Variants in SLC16A3 observed in about 807,000 individuals in gnomAD.
The protein encoded by SLC16A3 is monocarboxylate transporter 4.
In SLC16A3, 22 loss-of-function variants were observed where a neutral mutation model predicts 25.0. The ratio of observed to expected loss-of-function variants is 0.88; its 90% CI spans 0.63 to 1.26. The LOEUF is 1.26. SLC16A3 is among the 50% of genes most tolerant of loss of function. The pLI is 0.00. For synonymous variants in SLC16A3, 390 were observed against 309.2 expected, an observed-to-expected ratio of 1.26 and a Z score of -2.74; for missense variants, 731 against 666.6, an observed-to-expected ratio of 1.10 and a Z score of -1.06.
chr17:82,236,654 G>T, intron 2 of SLC16A3, 75 bp from the exon 3 acceptor site: 1 of 1,559,994 alleles, frequency 6.4e-7, no homozygotes, highest in African/African-American at 1.3e-5. Context: ...GCCGGCTCCA[G>T]GCTGTGAGCT....
chr17:82,222,033 C>T (rs2050391683), intron 1 of SLC16A3, among the ~76,000 whole-genome samples: 1 of 152,126 alleles, frequency 6.6e-6, no homozygotes, highest in South Asian at 2.1e-4. Context: ...CGCCCTGGGA[C>T]CCCCAACTCC....
rs149068598 is a variant in SLC16A3 at position 82,236,713 on chromosome 17, C to T, written c.224-16C>T. 3 of 1,601,148 alleles carry T rather than the reference C, an allele frequency of 1.9e-6. No homozygotes were observed. The highest frequency in any genetic ancestry group is 2.2e-5 in the South Asian group (2 of 90,946). ...TGGCTGCAGGCCCGGCCCCTCTCAG[C>T]TGCTGCCCTCTCCAGGTCCGCTCTG... On this transcript the variant is annotated splice_polypyrimidine_tract_variant and intron_variant, in intron 2 of 4. Transcript: ENST00000582743.
At chr17:82,232,070 C>G (rs747628184) in intron 1 of SLC16A3, 5 of 152,332 alleles carry the variant, frequency 3.3e-5, no homozygotes, top group Non-Finnish European at 7.3e-5. Flanking sequence ...AGCGCCCTCC[C>G]GCCCTCGGCA....
At chr17:82,237,972 A>G (rs1193603441) in intron 4 of SLC16A3, 79 bp downstream of exon 4, 2 of 1,477,098 alleles carry the variant, frequency 1.4e-6, no homozygotes, top group Non-Finnish European at 1.8e-6. Flanking sequence ...GGGGACGCGC[A>G]CCCCTCGGCA....
Position 82,239,928 on chromosome 17 carries a change from AGCAGTGGCCT to A in SLC16A3, c.*955_*964del. 8.8e-7 allele frequency: 1 copy of A among 1,131,156 alleles called. No individual in the cohort carries two copies. The highest frequency in any genetic ancestry group is 1.1e-6 in the Non-Finnish European group (1 of 894,512). 70.1% of individuals were successfully genotyped at this position (1,131,156 alleles called of 1,614,324 possible). On this transcript the variant is annotated 3_prime_UTR_variant, in exon 5 of 5. Coordinates refer to ENST00000582743, the MANE Select transcript of SLC16A3 (RefSeq NM_004207.4). ...CTAACACCCACCTGCCCTCGTGGCC[AGCAGTGGCCT>A]GCGTGGCTGGGAGCCCGGTCAGAGG...
Position 82,235,586 on chromosome 17 carries a change from G to T in SLC16A3, c.-26-397G>T. The T allele has an allele frequency of 1.2e-5, 3 of 245,248 alleles. No homozygotes were observed. In the South Asian group the frequency reaches 1.5e-4, roughly 12 times the overall value. 15.2% of individuals were successfully genotyped at this position (245,248 alleles called of 1,614,324 possible). ...CTCAGTGCTGGGGACCGGAGGTGCCGTCTGCTGCCAGAATCATGGTGTGCG... is the reference window on the plus strand; with the variant it reads ...CTCAGTGCTGGGGACCGGAGGTGCCTTCTGCTGCCAGAATCATGGTGTGCG... On this transcript the variant is annotated intron_variant, in intron 1 of 4. Transcript: ENST00000582743.
At chr17:82,224,708 G>C (rs1405645505), upstream of SLC16A3, among the ~76,000 whole-genome samples, 1 of 149,598 alleles carries the variant, frequency 6.7e-6, no homozygotes, top group Non-Finnish European at 1.5e-5. Flanking sequence ...ACAGACACCT[G>C]TGCAGACACA....
rs369805619 is a variant in SLC16A3 at position 82,236,251 on chromosome 17, G to A, written c.223+20G>A. 124 of 1,604,540 alleles carry A rather than the reference G, an allele frequency of 7.7e-5. No homozygotes were observed. Among genetic ancestry groups the A allele is most frequent in the Admixed American group, 3.0e-4 (18 of 59,978 alleles). ...GGACAGGTGAGGGTGGCCTCACACCGGGCCCCCTGTCCGGGGCTCTGCTGG... is the reference window on the plus strand; with the variant it reads ...GGACAGGTGAGGGTGGCCTCACACCAGGCCCCCTGTCCGGGGCTCTGCTGG... On this transcript the variant is annotated intron_variant, in intron 2 of 4. Coordinates refer to ENST00000582743, the MANE Select transcript of SLC16A3 (RefSeq NM_004207.4).
At position 82,238,832 on chromosome 17, in the gene SLC16A3, G is replaced by T; in HGVS notation, c.1254G>T (p.Gln418His). The change falls in exon 5 of 5, where the codon CAG becomes CAT. Residue 418 changes from glutamine to histidine, a missense_variant. Coordinates refer to ENST00000582743, the MANE Select transcript of SLC16A3 (RefSeq NM_004207.4). ...TTAGGAAGAAGCCCAAAGAGCCACA[G>T]CCTGAGGTGGCGGCCGCGGAGGAGG... ...FCIRKKPKEPQPEVAAAEEEK... is the reference protein window; with the variant it reads ...FCIRKKPKEPHPEVAAAEEEK... 1 of 1,612,744 alleles carries T rather than the reference G, an allele frequency of 6.2e-7. No homozygotes were observed. Among genetic ancestry groups the T allele is most frequent in the Non-Finnish European group, 8.5e-7 (1 of 1,179,804 alleles).
At chr17:82,231,148 G>C (rs1237683912) in intron 1 of SLC16A3, 3 of 152,142 alleles carry the variant, frequency 2.0e-5, no homozygotes, top group African/African-American at 7.2e-5. Context: ...GCGGCTGGCG[G>C]GGCGGGGCCG....
chr17:82,219,208 G>A (rs1164994065), intron 1 of SLC16A3, among the ~76,000 whole-genome samples: 3 of 152,170 alleles, frequency 2.0e-5, no homozygotes, highest in Non-Finnish European at 4.4e-5. Context: ...GGACCAGGCA[G>A]GGCCTGGAGG....
chr17:82,228,652 T>TGGGGGGCGA (rs1280984992), upstream of SLC16A3: 4 of 152,164 alleles, frequency 2.6e-5, no homozygotes, highest in Non-Finnish European at 5.9e-5. Flanking sequence ...GCCCCGGCGT[T>TGGGGGGCGA]GGGGGGCGAG....
intron 1 of SLC16A3, chr17:82,229,975 C>G (rs2050467709): frequency 6.6e-6 from 1 of 152,570 alleles, no homozygotes; most frequent in Middle Eastern, 3.2e-3. Flanking sequence ...GAAAGGGTCC[C>G]TCTCCTGGTG....
Position 82,237,898 on chromosome 17 carries a change from G to GC in SLC16A3, c.1123+6dup, listed in dbSNP as rs2050652090. The stretch of plus-strand genomic sequence containing the variant: ...TCGTCGGGCCCCCTTCGGGAGGTGA[G>GC]CGCTGCGCCCCCAGGCAGTTCCCCA... On this transcript the variant is annotated splice_donor_region_variant and intron_variant, in intron 4 of 4. Coordinates refer to ENST00000582743, the MANE Select transcript of SLC16A3 (RefSeq NM_004207.4). 3.1e-6 allele frequency: 5 copies of GC among 1,596,512 alleles called. No individual in the cohort carries two copies. In the East Asian group the frequency reaches 1.1e-4, roughly 36 times the overall value.
intron 1 of SLC16A3, chr17:82,231,904 C>G (rs948625427): frequency 1.3e-5 from 2 of 152,312 alleles, no homozygotes; most frequent in African/African-American, 4.8e-5. Context: ...CCTGGGGCAG[C>G]CCCTTGCGCA....
chr17:82,233,422 G>GC (rs1194267330), intron 1 of SLC16A3, among the ~76,000 whole-genome samples: 1 of 152,150 alleles, frequency 6.6e-6, no homozygotes, highest in Non-Finnish European at 1.5e-5. Context: ...TCCTGGCACT[G>GC]CCCCAACCCT....
Position 82,237,608 on chromosome 17 carries a change from G to A in SLC16A3, c.838G>A (p.Ala280Thr). Residue 280 changes from alanine to threonine, a missense_variant, in exon 4 of 5, where the codon GCC (alanine) becomes ACC (threonine). Physicochemically the swap from Ala to Thr is moderately conservative, Grantham distance 58 (BLOSUM62 0). Coordinates refer to ENST00000582743, the MANE Select transcript of SLC16A3 (RefSeq NM_004207.4). ...LGFIDIFARP[A>T]AGFVAGLGKV... ...CTTCATTGACATCTTCGCGCGGCCGGCCGCGGGCTTCGTGGCGGGGCTTGG... is the reference window on the plus strand; with the variant it reads ...CTTCATTGACATCTTCGCGCGGCCGACCGCGGGCTTCGTGGCGGGGCTTGG... 6.2e-7 allele frequency: 1 copy of A among 1,612,608 alleles called. No homozygotes were observed.
Position 82,239,700 on chromosome 17 carries a change from C to T in SLC16A3, c.*724C>T. 1.7e-5 allele frequency: 6 copies of T among 356,336 alleles called. No homozygotes were observed. Among genetic ancestry groups the T allele is most frequent in the Non-Finnish European group, 3.0e-5 (6 of 199,330 alleles). The allele number at this position is 356,336 out of a possible 1,614,324, so 22.1% of individuals were successfully genotyped here. ...TGGCCTCTGAAATGTGCCAGGGAGC[C>T]CCTACGTGGTGGTTAGATGGGAGCT... On this transcript the variant is annotated 3_prime_UTR_variant, in exon 5 of 5. Transcript: ENST00000582743.
intron 1 of SLC16A3, chr17:82,229,431 C>G (rs935591932): frequency 3.3e-5 from 5 of 152,414 alleles, no homozygotes; most frequent in African/African-American, 1.2e-4. Flanking sequence ...CGGCCAAGCC[C>G]GGTCCGGGTA....
Sources: allele counts gnomAD v4.1 joint callset (sites outside exome capture counted in the v4.1 genomes callset), GRCh38; gene constraint gnomAD v4.1.1; transcripts MANE v1.5; gene names NCBI Gene and HGNC (gene_info 2026-07-23, HGNC 2026-07-21).